Variants in ZZEF1 observed in about 807,000 individuals in gnomAD.
ZZEF1 encodes zinc finger ZZ-type and EF-hand domain-containing protein 1.
A neutral mutation model predicts 342.8 loss-of-function variants in ZZEF1; 157 were observed. The observed-to-expected ratio is 0.46, with a 90% CI of 0.40 to 0.52. The LOEUF (loss-of-function observed/expected upper bound fraction) is 0.52. ZZEF1 is among the 20% of genes least tolerant of loss of function. The pLI is 0.00. For synonymous variants in ZZEF1, 1,505 were observed against 1,429.1 expected (o/e 1.05, Z -1.20); for missense variants, 3,480 against 3,725.6 (o/e 0.93, Z 1.72).
At chr17:4,126,823 T>A (rs1305549118) in intron 1 of ZZEF1, among the ~76,000 whole-genome samples, 2 of 151,934 alleles carry the variant, frequency 1.3e-5, no homozygotes, top group Non-Finnish European at 2.9e-5. Context: ...AAACATTAGC[T>A]GGGCATCATG....
chr17:4,074,588 G>A (rs1011807831), intron 23 of ZZEF1, among the ~76,000 whole-genome samples: 4 of 152,202 alleles, frequency 2.6e-5, no homozygotes, highest in African/African-American at 9.7e-5. Flanking sequence ...CACCTGGGGT[G>A]ACCATCTGTC....
intron 1 of ZZEF1, among the ~76,000 whole-genome samples, chr17:4,125,393 C>T (rs1298059330): frequency 6.6e-6 from 1 of 152,146 alleles, no homozygotes; most frequent in Non-Finnish European, 1.5e-5. Flanking sequence ...CATAAATACC[C>T]CTATTTCCAT....
chr17:4,039,455 G>GT (rs1315397493), intron 39 of ZZEF1, among the ~76,000 whole-genome samples: 1 of 150,236 alleles, frequency 6.7e-6, no homozygotes. Context: ...GGGGGACAGA[G>GT]TGAGACACCA....
intron 52 of ZZEF1, among the ~76,000 whole-genome samples, chr17:4,012,479 G>A (rs2055988595): frequency 1.3e-5 from 2 of 152,162 alleles, no homozygotes; most frequent in Non-Finnish European, 2.9e-5. Context: ...GTGTCTGTGT[G>A]CCTTAGAAAT....
Position 4,054,113 on chromosome 17 carries a change from T to C in ZZEF1, c.5378A>G (p.His1793Arg). 1 of 1,613,978 alleles carries C rather than the reference T, an allele frequency of 6.2e-7. No individual in the cohort carries two copies. The highest frequency in any genetic ancestry group is 2.2e-5 in the East Asian group (1 of 44,890). ...CDGCDEIAPW[H>R]RYRCLQCSDM... ...GCTGCACTGCAGACAGCGGTATCGA[T>C]GCCAGGGGGCAATCTCATCACACCC... Residue 1793 changes from histidine to arginine, a missense_variant, in exon 34 of 55, where the codon CAT becomes CGT. His to Arg is a conservative substitution (Grantham distance 29). Coordinates refer to ENST00000381638, the MANE Select transcript of ZZEF1 (RefSeq NM_015113.4).
chr17:4,079,586 A>G (rs2057684827), intron 18 of ZZEF1, among the ~76,000 whole-genome samples: 1 of 152,196 alleles, frequency 6.6e-6, no homozygotes, highest in Non-Finnish European at 1.5e-5. Context: ...CAAAAAATAG[A>G]GCATAGTTTT....
chr17:4,012,353 C>T (rs1361006092), intron 52 of ZZEF1, among the ~76,000 whole-genome samples: 1 of 152,218 alleles, frequency 6.6e-6, no homozygotes, highest in Non-Finnish European at 1.5e-5. Flanking sequence ...CCATCTTGTT[C>T]TCTCCCCTGA....
intron 30 of ZZEF1, 138 bp downstream of exon 30, chr17:4,062,615 A>G: frequency 1.0e-6 from 1 of 957,656 alleles, no homozygotes; most frequent in Non-Finnish European, 1.5e-6. Context: ...CTTTCCTTGG[A>G]ATGAGAGAAT....
Position 4,008,697 on chromosome 17 carries a change from A to G in ZZEF1, c.8805+186T>C, listed in dbSNP as rs903019778. The G allele has an allele frequency of 1.3e-5, 18 of 1,372,724 alleles. No individual in the cohort carries two copies. The highest frequency in any genetic ancestry group is 1.6e-5 in the Non-Finnish European group (17 of 1,062,936). The allele number at this position is 1,372,724 out of a possible 1,614,324, so 85.0% of individuals were successfully genotyped here. ...CCACAGTTTAGAGTGAATGACTCTG[A>G]TAAATGGGGCTCGTGCATGCTCTCT... is the stretch of plus-strand genomic sequence containing the variant. On this transcript the variant is annotated intron_variant, in intron 54 of 54. Transcript: ENST00000381638. This position sits in a 1 kb window ranked among gnomAD's most constrained non-coding sequence, Gnocchi z 4.2.
Position 4,105,704 on chromosome 17 carries a change from T to C in ZZEF1, c.1383A>G (p.Ile461Met). 6.2e-7 allele frequency: 1 copy of C among 1,612,304 alleles called. No homozygotes were observed. The highest frequency in any genetic ancestry group is 8.5e-7 in the Non-Finnish European group (1 of 1,178,696). The change falls in exon 7 of 55, where the codon ATA (isoleucine) becomes ATG (methionine). Residue 461 changes from isoleucine to methionine, a missense_variant. Ile to Met is a conservative substitution (Grantham distance 10). Coordinates refer to ENST00000381638, the MANE Select transcript of ZZEF1 (RefSeq NM_015113.4). ...NVLEEVDSFL[I>M]RITSCCSTPE... Reference sequence around the variant, plus strand: ...AGCCTTGATTTTACCTAGTTATCCTTATGAGGAAACTGTCCACTTCTTCCA... The same window carrying C: ...AGCCTTGATTTTACCTAGTTATCCTCATGAGGAAACTGTCCACTTCTTCCA...
At chr17:4,056,387 A>G (rs961205293) in intron 32 of ZZEF1, 42 bp from the exon 33 acceptor site, 2 of 1,534,590 alleles carry the variant, frequency 1.3e-6, no homozygotes, top group African/African-American at 2.8e-5. Context: ...GCCTCTCCCA[A>G]TCACCAAGGA....
In ZZEF1 at chr17:4,104,823, G is replaced by T. The variant is rs1168814528; in HGVS notation, c.1395-12C>A. ...GGGTAGAACAGCAGCTATAAGCAAA[G>T]AGCAAAAACTTTTCACTTCTTAAAA... On this transcript the variant is annotated splice_polypyrimidine_tract_variant and intron_variant, in intron 7 of 54. Transcript: ENST00000381638. 3 of 1,603,916 alleles carry T rather than the reference G, an allele frequency of 1.9e-6. No individual in the cohort carries two copies.
chr17:4,058,331 C>G (rs1251775641), intron 31 of ZZEF1, among the ~76,000 whole-genome samples, 176 bp from the exon 32 acceptor site: 2 of 152,190 alleles, frequency 1.3e-5, no homozygotes, highest in African/African-American at 4.8e-5. Flanking sequence ...AAAGCTTACA[C>G]AAAATAACTC....
In ZZEF1 at chr17:4,102,298, A is replaced by AC; in HGVS notation, c.1672+18_1672+19insG. 1.2e-6 allele frequency: 2 copies of AC among 1,610,288 alleles called. No individual in the cohort carries two copies. Among genetic ancestry groups the AC allele is most frequent in the Non-Finnish European group, 1.7e-6 (2 of 1,176,746 alleles). ...CCTGTCTACCGAGCACACTAGAAAC[A>AC]GACAGACCCACCACTCACCATCCCT... is the stretch of plus-strand genomic sequence containing the variant. On this transcript the variant is annotated intron_variant, in intron 9 of 54. Transcript: ENST00000381638.
At chr17:4,120,101 A>G (rs2058458890) in intron 2 of ZZEF1, among the ~76,000 whole-genome samples, 1 of 152,214 alleles carries the variant, frequency 6.6e-6, no homozygotes. Context: ...TCATGCCTGT[A>G]ATCCCAGCAC....
intron 42 of ZZEF1, among the ~76,000 whole-genome samples, chr17:4,030,038 A>AAAAG (rs1555580318): frequency 7.3e-5 from 11 of 151,680 alleles, no homozygotes; most frequent in African/African-American, 2.7e-4. Context: ...AAAAAAAAAA[A>AAAAG]AAAAGAAAAG....
In ZZEF1 at chr17:4,010,724, C is replaced by CAAA. The variant is rs58349682; in HGVS notation, c.8580-970_8580-968dup. 2.2e-4 allele frequency among the ~76,000 whole-genome samples: 19 copies of CAAA among 85,240 alleles called. 2 individuals are homozygous for CAAA. Among genetic ancestry groups the CAAA allele is most frequent in the East Asian group, 3.0e-4 (1 of 3,312 alleles). The allele number at this position is 85,240 out of a possible 152,430, so 55.9% of individuals were successfully genotyped here. A position where few individuals can be genotyped will look rare whatever the true frequency, so the allele number is the denominator to read the frequency against. On this transcript the variant is annotated intron_variant, in intron 52 of 54. Transcript: ENST00000381638. ...CAAGTGACAGTGTGAGATTCCGTCT[C>CAAA]AAAAAAAAAAAGAAAAAGAAAAAAG...
rs1167690777 is a variant in ZZEF1 at position 4,044,177 on chromosome 17, G to A, written c.6166+47C>T. On this transcript the variant is annotated intron_variant, in intron 38 of 54. Coordinates refer to ENST00000381638, the MANE Select transcript of ZZEF1 (RefSeq NM_015113.4). ...AAACAGCTCAGGGATGGGTATATGTGCATTTTAAGATGAAAGAGATGAAGA... is the reference window on the plus strand; with the variant it reads ...AAACAGCTCAGGGATGGGTATATGTACATTTTAAGATGAAAGAGATGAAGA... 3.1e-6 allele frequency: 5 copies of A among 1,601,204 alleles called. 1 individual carries two copies. In the Middle Eastern group the frequency reaches 5.0e-4, roughly 160 times the overall value.
In ZZEF1 at chr17:4,081,405, C is replaced by G; in HGVS notation, c.2800G>C (p.Asp934His). The change falls in exon 18 of 55, where the codon GAC becomes CAC. Residue 934 changes from aspartate (D) to histidine (H), a missense_variant. Asp to His is a moderately conservative substitution (Grantham distance 81, BLOSUM62 -1). Coordinates refer to ENST00000381638, the MANE Select transcript of ZZEF1 (RefSeq NM_015113.4). ...CGAGCAGCAACAGAGACGAGAGTGT[C>G]CATGACCGCCAGGACTTCACTGATG... ...MNISEVLAVM[D>H]TLVSVAAREC... 1 of 1,613,802 alleles carries G rather than the reference C, an allele frequency of 6.2e-7. No individual in the cohort carries two copies. The highest frequency in any genetic ancestry group is 1.7e-4 in the Middle Eastern group (1 of 5,796).
Sources: allele counts gnomAD v4.1 joint callset (sites outside exome capture counted in the v4.1 genomes callset), GRCh38; gene constraint gnomAD v4.1.1; non-coding constraint Gnocchi (gnomAD v3.1); transcripts MANE v1.5; gene names NCBI Gene and HGNC (gene_info 2026-07-23, HGNC 2026-07-21).